SBF2: variants seen among roughly 807,000 people sequenced by gnomAD.
The protein encoded by SBF2 is SET binding factor 2.
A neutral mutation model predicts 225.2 loss-of-function variants in SBF2; 112 were observed. That is an observed-to-expected ratio of 0.50 (90% confidence interval 0.43 to 0.58). The LOEUF (loss-of-function observed/expected upper bound fraction) is 0.58. SBF2 is among the 20% of genes least tolerant of loss of function. SBF2 has a pLI of 0.00. For synonymous variants in SBF2, 763 were observed against 773.3 expected, an observed-to-expected ratio of 0.99 and a Z score of 0.22; for missense variants, 1,996 against 2,206.2, an observed-to-expected ratio of 0.90 and a Z score of 1.91.
intron 1 of SBF2, among the ~76,000 whole-genome samples, chr11:10,300,208 T>C (rs1964581574): frequency 6.6e-6 from 1 of 152,364 alleles, no homozygotes; most frequent in Non-Finnish European, 1.5e-5. Context: ...TATATCTGGC[T>C]ACGTCACTAG....
chr11:9,805,770 G>T (rs1434225714), intron 32 of SBF2, among the ~76,000 whole-genome samples: 2 of 152,104 alleles, frequency 1.3e-5, no homozygotes, highest in African/African-American at 4.8e-5. Flanking sequence ...CTACAGGCGT[G>T]CGCCCCCACG....
At chr11:9,893,972 G>A (rs567285426) in intron 17 of SBF2, among the ~76,000 whole-genome samples, 5 of 152,266 alleles carry the variant, frequency 3.3e-5, no homozygotes, top group South Asian at 4.1e-4. Flanking sequence ...CTGGTCAGGC[G>A]TGGTGGCTCA....
At chr11:9,823,782 A>G (rs1413446202) in intron 28 of SBF2, among the ~76,000 whole-genome samples, 2 of 152,240 alleles carry the variant, frequency 1.3e-5, no homozygotes, top group African/African-American at 4.8e-5. Context: ...ATCAGAAGAA[A>G]CACAGAAAGC....
At chr11:9,811,270 G>A (rs1025258002) in intron 30 of SBF2, 1 of 152,130 alleles carries the variant, frequency 6.6e-6, no homozygotes, top group Non-Finnish European at 1.5e-5. Context: ...GAAATAATCT[G>A]TACACCAAAC....
chr11:9,925,616 T>C (rs1281024407), intron 16 of SBF2, among the ~76,000 whole-genome samples: 4 of 152,178 alleles, frequency 2.6e-5, no homozygotes, highest in Non-Finnish European at 5.9e-5. Flanking sequence ...GACTAAGTCC[T>C]CAAAAGCCAA....
chr11:10,009,508 T>C (rs980598067), intron 6 of SBF2, among the ~76,000 whole-genome samples: 4 of 151,142 alleles, frequency 2.6e-5, no homozygotes, highest in Non-Finnish European at 4.4e-5. Context: ...GAACATGCGG[T>C]GTTTGGTTTT....
chr11:10,097,625 T>C (rs1170062005), intron 2 of SBF2, among the ~76,000 whole-genome samples: 1 of 152,136 alleles, frequency 6.6e-6, no homozygotes, highest in African/African-American at 2.4e-5. Flanking sequence ...AACAATATTG[T>C]CAACCACCCA....
intron 13 of SBF2, among the ~76,000 whole-genome samples, chr11:9,977,356 G>A (rs1400014998): frequency 6.6e-6 from 1 of 151,930 alleles, no homozygotes; most frequent in Admixed American, 6.6e-5. Context: ...GCATGGTGAT[G>A]TGTGCCTGTA....
chr11:10,008,371 A>G (rs1043569382), intron 6 of SBF2, among the ~76,000 whole-genome samples: 1 of 152,208 alleles, frequency 6.6e-6, no homozygotes, highest in African/African-American at 2.4e-5. Context: ...AGGCAGCCCC[A>G]GATATTCAGA....
At chr11:10,154,112 A>G (rs1245790152) in intron 2 of SBF2, among the ~76,000 whole-genome samples, 1 of 152,062 alleles carries the variant, frequency 6.6e-6, no homozygotes, top group African/African-American at 2.4e-5. Context: ...GGAAGTCTTC[A>G]AACTTTGCTC....
At chr11:10,185,792 C>T (rs1489183503) in intron 2 of SBF2, among the ~76,000 whole-genome samples, 2 of 151,982 alleles carry the variant, frequency 1.3e-5, no homozygotes, top group Non-Finnish European at 2.9e-5. Flanking sequence ...GGCTGTGGTA[C>T]CGCTAATTCA....
chr11:10,171,791 GGAGACTTTTTATTACGGCTTT>G (rs1230934123), intron 2 of SBF2, among the ~76,000 whole-genome samples: 1 of 152,150 alleles, frequency 6.6e-6, no homozygotes. Context: ...TCTTTTGCTG[GGAGACTTTTTATTACGGCTTT>G]GATCTTGTTA....
intron 1 of SBF2, among the ~76,000 whole-genome samples, chr11:10,233,751 C>A (rs918256007): frequency 1.3e-5 from 2 of 152,148 alleles, no homozygotes; most frequent in African/African-American, 2.4e-5. Context: ...ATCAGCATTC[C>A]GGTTAAAACT....
intron 2 of SBF2, among the ~76,000 whole-genome samples, chr11:10,128,528 C>T (rs1000818721): frequency 2.0e-5 from 3 of 152,180 alleles, no homozygotes; most frequent in African/African-American, 7.2e-5. Context: ...CAATCTGTTT[C>T]AGTCCCTGCC....
At chr11:9,830,696 C>T (rs1354485200) in intron 27 of SBF2, among the ~76,000 whole-genome samples, 9 of 148,622 alleles carry the variant, frequency 6.1e-5, no homozygotes, top group South Asian at 4.3e-4. Flanking sequence ...GCCAAGATTG[C>T]GCCATTGCAC....
intron 2 of SBF2, among the ~76,000 whole-genome samples, chr11:10,167,329 C>T (rs527713214): frequency 2.0e-5 from 3 of 152,210 alleles, no homozygotes; most frequent in Non-Finnish European, 2.9e-5. Flanking sequence ...ACAGGCCAGG[C>T]GTGGTGGCTC....
intron 13 of SBF2, among the ~76,000 whole-genome samples, chr11:9,980,660 T>A (rs563319692): frequency 6.6e-6 from 1 of 151,904 alleles, no homozygotes; most frequent in Non-Finnish European, 1.5e-5. Flanking sequence ...GATCTCGGCT[T>A]ACTGCAAGCT....
At chr11:9,936,478 A>C (rs1242399217) in intron 16 of SBF2, among the ~76,000 whole-genome samples, 1 of 152,240 alleles carries the variant, frequency 6.6e-6, no homozygotes, top group Non-Finnish European at 1.5e-5. Flanking sequence ...ATTATAAATC[A>C]TGCTACTATA....
chr11:10,163,942 T>C (rs977675436), intron 2 of SBF2, among the ~76,000 whole-genome samples: 1 of 152,198 alleles, frequency 6.6e-6, no homozygotes, highest in Non-Finnish European at 1.5e-5. Context: ...TTTGTAAGTG[T>C]TATACCTTAA....
Sources: allele counts gnomAD v4.1 joint callset (sites outside exome capture counted in the v4.1 genomes callset), GRCh38; gene constraint gnomAD v4.1.1; transcripts MANE v1.5; gene names NCBI Gene and HGNC (gene_info 2026-07-23, HGNC 2026-07-21).